Variants in MYO18A observed in about 807,000 individuals in gnomAD.
MYO18A encodes unconventional myosin-XVIIIa.
Under a neutral mutation model 235.8 loss-of-function variants are expected in MYO18A, and 78 were observed. That is an observed-to-expected ratio of 0.33 (90% CI 0.28 to 0.40). The LOEUF (loss-of-function observed/expected upper bound fraction) is 0.40. MYO18A is among the 10% of genes least tolerant of loss of function. The pLI is 1.00. For missense variants in MYO18A, 2,215 were observed against 2,699.3 expected (o/e 0.82, Z 3.98); for synonymous variants, 977 against 1,077.8 (o/e 0.91, Z 1.83).
intron 26 of MYO18A, 37 bp downstream of exon 26, chr17:29,097,751 G>C: frequency 6.4e-7 from 1 of 1,568,948 alleles, no homozygotes; most frequent in East Asian, 2.2e-5. Flanking sequence ...GGCTCGCATT[G>C]CGGGCCACTG....
At chr17:29,101,107 C>G (rs2066642584) in intron 21 of MYO18A, among the ~76,000 whole-genome samples, 1 of 152,114 alleles carries the variant, frequency 6.6e-6, no homozygotes, top group Admixed American at 6.6e-5. Context: ...AAGCTATCGT[C>G]CCACCTCAGC....
Position 29,096,803 on chromosome 17 carries a change from C to A in MYO18A, c.4343G>T (p.Gly1448Val). 1 of 1,606,020 alleles carries A rather than the reference C, an allele frequency of 6.2e-7. No individual in the cohort carries two copies. Among genetic ancestry groups the A allele is most frequent in the Non-Finnish European group, 8.5e-7 (1 of 1,176,512 alleles). ...CAGTTCGTGGTTGCGGACCTGCTGGCCCTCCAGGTGCAGCTTGGTGTCTTG... is the reference window on the plus strand; with the variant it reads ...CAGTTCGTGGTTGCGGACCTGCTGGACCTCCAGGTGCAGCTTGGTGTCTTG... ...ELQDTKLHLE[G>V]QQVRNHELEK... The change falls in exon 28 of 42, where the codon GGC (glycine) becomes GTC (valine). Residue 1448 changes from glycine to valine, a missense_variant. Transcript: ENST00000527372.
At position 29,098,856 on chromosome 17, in the gene MYO18A, C is replaced by T. The variant is rs191807446; in HGVS notation, c.3750G>A (p.Gln1250=). ...TGTTCCGGATCTGCTCCTCTGACAG[C>T]TGTACTTCGATGAGGGGCCTCACTG... is the stretch of plus-strand genomic sequence containing the variant. ...FTTVRPLIEV[Q]LSEEQIRNKD... The change falls in exon 23 of 42, where the codon CAG becomes CAA. Residue 1250 remains glutamine, a synonymous_variant. Transcript: ENST00000527372. 1.9e-6 allele frequency: 3 copies of T among 1,614,012 alleles called. No individual in the cohort carries two copies. The African/African-American group carries it at 4.0e-5, about 22-fold the overall frequency.
chr17:29,140,831 C>T lies in MYO18A; in HGVS notation c.1000-18578G>A, dbSNP rs1172606174. Among the ~76,000 whole-genome samples the T allele has an allele frequency of 1.3e-5, 2 of 152,204 alleles. No individual in the cohort carries two copies. Among genetic ancestry groups the T allele is most frequent in the Non-Finnish European group, 2.9e-5 (2 of 68,040 alleles). On this transcript the variant is annotated intron_variant, in intron 2 of 41. Coordinates refer to ENST00000527372, the MANE Select transcript of MYO18A (RefSeq NM_078471.4). This position sits in a 1 kb window ranked among gnomAD's most constrained non-coding sequence, Gnocchi z 4.2. ...ACACACACACACACACCAGCATGCA[C>T]GAACATTCAATCAACACAGTGTTCT... is the stretch of plus-strand genomic sequence containing the variant.
At chr17:29,159,648 C>T (rs1444584394) in intron 2 of MYO18A, among the ~76,000 whole-genome samples, 1 of 152,190 alleles carries the variant, frequency 6.6e-6, no homozygotes. Flanking sequence ...CCCAGTGCTC[C>T]AAACCCGGCC....
Position 29,092,925 on chromosome 17 carries a change from G to A in MYO18A, c.5003C>T (p.Ala1668Val), listed in dbSNP as rs1403339652. 2.5e-6 allele frequency: 4 copies of A among 1,613,768 alleles called. No individual in the cohort carries two copies. The highest frequency in any genetic ancestry group is 3.4e-6 in the Non-Finnish European group (4 of 1,179,860). ...CTTCAGGTGGTCCAGCATGAGCTGG[G>A]CATCTGCCAGCAGGGCCTTGGTGCG... ...LKRTKALLAD[A>V]QLMLDHLKNS... The change falls in exon 33 of 42, where the codon GCC (alanine) becomes GTC (valine). Residue 1668 changes from alanine (A) to valine (V), a missense_variant. Ala to Val is a moderately conservative substitution (Grantham distance 64). Transcript: ENST00000527372.
intron 2 of MYO18A, among the ~76,000 whole-genome samples, chr17:29,130,356 AATTG>A (rs1428987868): frequency 6.6e-6 from 1 of 151,306 alleles, no homozygotes; most frequent in Non-Finnish European, 1.5e-5. Flanking sequence ...TGATGATAGT[AATTG>A]GTAAGACTTA....
chr17:29,093,169 T>G (rs1245375803), intron 32 of MYO18A, among the ~76,000 whole-genome samples, 154 bp downstream of exon 32: 1 of 152,146 alleles, frequency 6.6e-6, no homozygotes, highest in African/African-American at 2.4e-5. Flanking sequence ...CAATGTATGG[T>G]GATGCCCCCA....
At chr17:29,175,568 T>C (rs1029337929) in intron 1 of MYO18A, among the ~76,000 whole-genome samples, 6 of 151,990 alleles carry the variant, frequency 3.9e-5, no homozygotes, top group African/African-American at 1.4e-4. Flanking sequence ...CTTGCCATGT[T>C]GCCCAGCCTG....
At position 29,109,738 on chromosome 17, in the gene MYO18A, G is replaced by A; in HGVS notation, c.3331+120C>T. On this transcript the variant is annotated intron_variant, in intron 19 of 41. Transcript: ENST00000527372. This position sits in a 1 kb window ranked among gnomAD's most constrained non-coding sequence, Gnocchi z 4.1. ...GATGAGGAGAGACCAGAGCAGAAAGGATCGTGAGGAAAGACAGGAGCAGCC... is the reference window on the plus strand; with the variant it reads ...GATGAGGAGAGACCAGAGCAGAAAGAATCGTGAGGAAAGACAGGAGCAGCC... 1 of 1,273,220 alleles carries A rather than the reference G, an allele frequency of 7.9e-7. No homozygotes were observed. Among genetic ancestry groups the A allele is most frequent in the East Asian group, 2.6e-5 (1 of 39,206 alleles). The allele number at this position is 1,273,220 out of a possible 1,614,324, so 78.9% of individuals were successfully genotyped here. A position where few individuals can be genotyped will look rare whatever the true frequency, so the allele number is the denominator to read the frequency against.
chr17:29,152,817 G>T (rs1030537976), intron 2 of MYO18A, among the ~76,000 whole-genome samples: 2 of 152,032 alleles, frequency 1.3e-5, no homozygotes, highest in Non-Finnish European at 2.9e-5. Context: ...AAACTCCTGG[G>T]CTCAAGCGAT....
intron 2 of MYO18A, among the ~76,000 whole-genome samples, chr17:29,148,652 T>G (rs2152942371): frequency 6.6e-6 from 1 of 152,102 alleles, no homozygotes; most frequent in Admixed American, 6.5e-5. Flanking sequence ...GAAACAGTAG[T>G]GTTAGGAGAC....
chr17:29,100,124 C>T (rs1221572939), intron 21 of MYO18A, among the ~76,000 whole-genome samples: 2 of 152,238 alleles, frequency 1.3e-5, no homozygotes, highest in Non-Finnish European at 2.9e-5. Flanking sequence ...GGCTTCCTCA[C>T]CCAGGACTGC....
Position 29,121,897 on chromosome 17 carries a change from T to C in MYO18A, c.1148A>G (p.Asp383Gly). Residue 383 changes from aspartate to glycine, a missense_variant, in exon 4 of 42, where the codon GAC becomes GGC. Transcript: ENST00000527372. The surrounding 1 kb of genome is among the most constrained non-coding windows in gnomAD (Gnocchi z 4.2). ...CACATCCAGGATGGCCCCATCGTGG[T>C]CCAGCTTCACACGCACCTTCCCCTC... ...LPEGKVRVKL[D>G]HDGAILDVDE... 1 of 1,613,864 alleles carries C rather than the reference T, an allele frequency of 6.2e-7. No individual in the cohort carries two copies. The highest frequency in any genetic ancestry group is 8.5e-7 in the Non-Finnish European group (1 of 1,179,832).
chr17:29,147,095 G>A lies in MYO18A; in HGVS notation c.999+18847C>T, dbSNP rs939513144. ...GATCACACAGATTGTGACTGGCCAG[G>A]TGATTTGAACTCAGATTGTTCAGAT... On this transcript the variant is annotated intron_variant, in intron 2 of 41. Transcript: ENST00000527372. 9.8e-5 allele frequency among the ~76,000 whole-genome samples: 15 copies of A among 152,344 alleles called. No individual in the cohort carries two copies. The South Asian group carries it at 3.1e-3, about 32-fold the overall frequency.
At chr17:29,119,867 A>G (rs572734852) in intron 7 of MYO18A, among the ~76,000 whole-genome samples, 1 of 149,906 alleles carries the variant, frequency 6.7e-6, no homozygotes, top group African/African-American at 2.5e-5. Context: ...CCCAACCTGC[A>G]TCTTGTTTTT....
intron 34 of MYO18A, 87 bp downstream of exon 34, chr17:29,092,256 G>A (rs948947735): frequency 3.1e-6 from 3 of 952,756 alleles, no homozygotes; most frequent in Non-Finnish European, 4.8e-6. Context: ...GACGTGGAGG[G>A]ACCTGTCTAG....
intron 2 of MYO18A, among the ~76,000 whole-genome samples, chr17:29,148,408 G>A (rs1320756861): frequency 6.6e-6 from 1 of 152,206 alleles, no homozygotes; most frequent in Non-Finnish European, 1.5e-5. Flanking sequence ...TGGAGCACTT[G>A]CTTTTGAAGT....
chr17:29,157,598 G>T (rs988542003), intron 2 of MYO18A, among the ~76,000 whole-genome samples: 1 of 152,198 alleles, frequency 6.6e-6, no homozygotes, highest in Admixed American at 6.5e-5. Flanking sequence ...TAACCTCTCA[G>T]TAATGCAGTT....
Sources: gnomAD v4.1 joint callset for allele counts (sites outside exome capture counted in the v4.1 genomes callset) on GRCh38, gnomAD v4.1.1 for gene constraint, Gnocchi (gnomAD v3.1) non-coding constraint, MANE v1.5 for transcripts, NCBI Gene and HGNC (gene_info 2026-07-23, HGNC 2026-07-21) for gene names.